The following LHFPL3 variants were observed in gnomAD, a reference collection of about 807,000 sequenced individuals.
LHFPL3 encodes the protein LHFPL tetraspan subfamily member 3 protein.
In LHFPL3, 5 loss-of-function variants were observed where a neutral mutation model predicts 19.3. The ratio of observed to expected loss-of-function variants is 0.26; its 90% CI spans 0.14 to 0.54. The LOEUF (loss-of-function observed/expected upper bound fraction) is 0.54. Ranked by LOEUF, LHFPL3 falls within the 20% of genes least tolerant of loss-of-function variation. The probability of loss-of-function intolerance (pLI) is 0.94; values close to 1 mark genes in which losing one functional copy is unlikely to be tolerated. For synonymous variants in LHFPL3, 133 were observed against 126.2 expected, an observed-to-expected ratio of 1.05 and a Z score of -0.36; for missense variants, 249 against 307.4, an observed-to-expected ratio of 0.81 and a Z score of 1.42.
chr7:104,453,988 A>G (rs1792494022), intron 1 of LHFPL3, among the ~76,000 whole-genome samples: 1 of 152,148 alleles, frequency 6.6e-6, no homozygotes. Context: ...TTTTCTTTAT[A>G]AACTACCCGG....
At chr7:104,331,592 T>TA (rs1412297331) in intron 1 of LHFPL3, among the ~76,000 whole-genome samples, 13 of 152,294 alleles carry the variant, frequency 8.5e-5, no homozygotes, top group South Asian at 4.1e-4. Flanking sequence ...AGGATTTTTC[T>TA]AAAAAAATTA....
intron 1 of LHFPL3, among the ~76,000 whole-genome samples, chr7:104,391,137 C>T (rs1050836696): frequency 2.0e-5 from 3 of 152,110 alleles, no homozygotes; most frequent in Non-Finnish European, 4.4e-5. Context: ...TGTAGTTTGC[C>T]TGTTCACTCT....
rs564053942 is a variant in LHFPL3 at position 104,356,536 on chromosome 7, A to G, written c.445+27312A>G. ...AGTATTTTTCCTTTACCTTTAATGC[A>G]TCTTGGAACAGGTGGAGTAGGTGGA... On this transcript the variant is annotated intron_variant, in intron 1 of 2. Transcript: ENST00000424859. Among the ~76,000 whole-genome samples, 8 of 152,248 alleles carry G rather than the reference A, an allele frequency of 5.3e-5. No homozygotes were observed. In the East Asian group the frequency reaches 1.5e-3, roughly 29 times the overall value.
At chr7:104,400,619 A>G (rs1489082699) in intron 1 of LHFPL3, among the ~76,000 whole-genome samples, 3 of 152,136 alleles carry the variant, frequency 2.0e-5, no homozygotes, top group Non-Finnish European at 4.4e-5. Flanking sequence ...TGCATAAGTG[A>G]TACATGAAAA....
chr7:104,422,932 A>T (rs892223787), intron 1 of LHFPL3, among the ~76,000 whole-genome samples: 2 of 152,224 alleles, frequency 1.3e-5, no homozygotes, highest in Admixed American at 6.5e-5. Flanking sequence ...AAGTGAATTA[A>T]CAGTTATAAG....
At chr7:104,746,217 C>A (rs552975579) in intron 2 of LHFPL3, among the ~76,000 whole-genome samples, 10 of 152,236 alleles carry the variant, frequency 6.6e-5, no homozygotes, top group African/African-American at 2.4e-4. Flanking sequence ...GAGGCTGAGG[C>A]AGGAGAATCG....
chr7:104,642,056 T>C (rs113066991), intron 1 of LHFPL3, among the ~76,000 whole-genome samples: 1 of 63,486 alleles, frequency 1.6e-5, no homozygotes, highest in African/African-American at 5.1e-5. Context: ...TTTTTTTTTT[T>C]TTACAGAGTC....
chr7:104,805,123 A>AT (rs1354714426), intron 2 of LHFPL3, among the ~76,000 whole-genome samples: 1 of 152,142 alleles, frequency 6.6e-6, no homozygotes, highest in Non-Finnish European at 1.5e-5. Context: ...CTCCTCTTGT[A>AT]TCCCCTCACT....
chr7:104,864,466 T>G (rs1365364388), intron 2 of LHFPL3, among the ~76,000 whole-genome samples: 1 of 152,186 alleles, frequency 6.6e-6, no homozygotes. Context: ...ACCAGGAGAT[T>G]ATATCCCGCA....
chr7:104,892,928 C>T (rs1792281022), intron 2 of LHFPL3, among the ~76,000 whole-genome samples: 2 of 151,962 alleles, frequency 1.3e-5, no homozygotes, highest in African/African-American at 4.8e-5. Context: ...TTTTAAATGG[C>T]TGTATAGGCT....
rs145738526 is a variant in LHFPL3, at chr7:104,884,743, T to G, written c.683-21444T>G. On this transcript the variant is annotated intron_variant, in intron 2 of 2. Transcript: ENST00000424859. ...GGATGAATTTCAAAATGGTGAAATG[T>G]GTGGGTTGAGTATTTGAAGAAAATG... is the stretch of plus-strand genomic sequence containing the variant. Among the ~76,000 whole-genome samples the G allele has an allele frequency of 3.3e-3, 495 of 152,274 alleles. 2 individuals carry two copies. The highest frequency in any genetic ancestry group is 0.012 in the African/African-American group (481 of 41,550).
At chr7:104,764,839 C>CGT (rs1279271761) in intron 2 of LHFPL3, among the ~76,000 whole-genome samples, 1 of 152,222 alleles carries the variant, frequency 6.6e-6, no homozygotes, top group Admixed American at 6.5e-5. Flanking sequence ...TTGACCCTTG[C>CGT]AGTAGTCCTA....
chr7:104,384,084 G>C (rs557274555), intron 1 of LHFPL3, among the ~76,000 whole-genome samples: 9 of 151,646 alleles, frequency 5.9e-5, no homozygotes, highest in African/African-American at 1.9e-4. Flanking sequence ...AGCAGGATGA[G>C]TGGAGAGAAT....
rs1314454203 is a variant in LHFPL3, at chr7:104,480,740, T to A, written c.445+151516T>A. Among the ~76,000 whole-genome samples, 3 of 151,984 alleles carry A rather than the reference T, an allele frequency of 2.0e-5. No homozygotes were observed. The East Asian group carries it at 5.8e-4, about 29-fold the overall frequency. ...GAGCTGAAATTATGGCCAGAAGAGG[T>A]CCGTGCATAAAACAGGCATTTGGTA... On this transcript the variant is annotated intron_variant, in intron 1 of 2. Transcript: ENST00000424859.
intron 1 of LHFPL3, among the ~76,000 whole-genome samples, chr7:104,369,625 GT>G (rs1790572792): frequency 6.6e-6 from 1 of 152,160 alleles, no homozygotes; most frequent in Admixed American, 6.5e-5. Context: ...TGGAGTGGGT[GT>G]ACAATTTTAC....
At chr7:104,732,524 A>C (rs1793724552) in intron 1 of LHFPL3, among the ~76,000 whole-genome samples, 1 of 152,160 alleles carries the variant, frequency 6.6e-6, no homozygotes, top group Admixed American at 6.5e-5. Flanking sequence ...AGGTGTTTAT[A>C]GTATTCTCTG....
chr7:104,378,078 G>A (rs746299407), intron 1 of LHFPL3, among the ~76,000 whole-genome samples: 7 of 152,182 alleles, frequency 4.6e-5, no homozygotes, highest in African/African-American at 1.7e-4. Flanking sequence ...CAGTTCAAAT[G>A]TACAGTTTAT....
At chr7:104,844,077 G>A (rs895637394) in intron 2 of LHFPL3, among the ~76,000 whole-genome samples, 1 of 152,208 alleles carries the variant, frequency 6.6e-6, no homozygotes, top group Admixed American at 6.5e-5. Context: ...GTACCTTTTA[G>A]ACTAAGTGTC....
chr7:104,472,524 G>A (rs1792931945), intron 1 of LHFPL3, among the ~76,000 whole-genome samples: 1 of 152,150 alleles, frequency 6.6e-6, no homozygotes, highest in Non-Finnish European at 1.5e-5. Context: ...CTCATGCATA[G>A]ATTTCCAGGC....
Sources: gnomAD v4.1 joint callset for allele counts (sites outside exome capture counted in the v4.1 genomes callset) on GRCh38, gnomAD v4.1.1 for gene constraint, MANE v1.5 for transcripts, NCBI Gene and HGNC (gene_info 2026-07-23, HGNC 2026-07-21) for gene names.